Variants in UGGT2 observed in about 807,000 individuals in gnomAD.
UGGT2 encodes UDP-glucose glycoprotein glucosyltransferase 2, also known as UDP-glucose:glycoprotein glucosyltransferase 2.
UGGT2 carries 180 observed loss-of-function variants against 192.1 expected under a neutral mutation model. The ratio of observed to expected loss-of-function variants is 0.94; its 90% CI spans 0.83 to 1.06. UGGT2 has a LOEUF of 1.06. Ranked by LOEUF, UGGT2 falls within the 50% of genes least tolerant of loss-of-function variation. The probability of loss-of-function intolerance (pLI) is 0.00; values close to 1 mark genes in which losing one functional copy is unlikely to be tolerated. For synonymous variants in UGGT2, 580 were observed against 591.0 expected, an observed-to-expected ratio of 0.98 and a Z score of 0.27; for missense variants, 1,849 against 1,795.7, an observed-to-expected ratio of 1.03 and a Z score of -0.54.
intron 38 of UGGT2, among the ~76,000 whole-genome samples, chr13:95,830,425 A>T (rs1367890053): frequency 6.6e-6 from 1 of 152,196 alleles, no homozygotes; most frequent in Non-Finnish European, 1.5e-5. Flanking sequence ...AACTTAAACA[A>T]ATTTACAAGA....
At chr13:95,849,351 A>G (rs1238838144) in intron 36 of UGGT2, among the ~76,000 whole-genome samples, 2 of 152,166 alleles carry the variant, frequency 1.3e-5, no homozygotes, top group Non-Finnish European at 2.9e-5. Context: ...CCTGGCTAAC[A>G]TGGTGAAACC....
chr13:95,863,748 C>G (rs1175548452), intron 30 of UGGT2, 34 bp from the exon 31 acceptor site: 1 of 1,545,858 alleles, frequency 6.5e-7, no homozygotes. Flanking sequence ...TAGAATTTGG[C>G]TGCTTTAAAT....
intron 20 of UGGT2, among the ~76,000 whole-genome samples, chr13:95,912,473 A>T (rs2048534137): frequency 6.6e-6 from 1 of 152,208 alleles, no homozygotes; most frequent in South Asian, 2.1e-4. Context: ...ATCATGAGTG[A>T]ACTCCCATTC....
intron 38 of UGGT2, among the ~76,000 whole-genome samples, chr13:95,815,616 C>T (rs1451364714): frequency 1.3e-5 from 2 of 152,176 alleles, no homozygotes; most frequent in Non-Finnish European, 2.9e-5. Context: ...ATAATCAACA[C>T]ATTAATCTTC....
intron 20 of UGGT2, among the ~76,000 whole-genome samples, chr13:95,914,612 TAAAAAAAAAAAAAAAAA>T (rs146990164): frequency 1.2e-4 from 10 of 80,996 alleles, no homozygotes; most frequent in Admixed American, 5.1e-4. Flanking sequence ...CCATCTCTAC[TAAAAAAAAAAAAAAAAA>T]AAAAAAAAAA....
intron 12 of UGGT2, among the ~76,000 whole-genome samples, chr13:95,961,275 T>C (rs2050383676): frequency 6.6e-6 from 1 of 151,982 alleles, no homozygotes; most frequent in South Asian, 2.1e-4. Context: ...TGAATGTAAA[T>C]GAATTAAACT....
chr13:96,023,774 CAAA>C lies in UGGT2; in HGVS notation c.242-18_242-16del. On this transcript the variant is annotated splice_polypyrimidine_tract_variant and intron_variant, in intron 2 of 38. Transcript: ENST00000376747. The stretch of plus-strand genomic sequence containing the variant: ...ATAATCTGATTCTATAAAAAGAAGT[CAAA>C]AGAAAATAAATGTTAGCATTTTATA... 1 of 1,571,768 alleles carries C rather than the reference CAAA, an allele frequency of 6.4e-7. No homozygotes were observed. Among genetic ancestry groups the C allele is most frequent in the Non-Finnish European group, 8.7e-7 (1 of 1,152,472 alleles).
chr13:95,912,959 A>T (rs2048552264), intron 20 of UGGT2, among the ~76,000 whole-genome samples: 1 of 152,226 alleles, frequency 6.6e-6, no homozygotes, highest in Admixed American at 6.5e-5. Flanking sequence ...CTGATCTTTG[A>T]CAAATCTGAC....
At chr13:95,836,041 CTTTT>C (rs560776600) in intron 37 of UGGT2, among the ~76,000 whole-genome samples, 12 of 151,352 alleles carry the variant, frequency 7.9e-5, no homozygotes, top group Admixed American at 2.0e-4. Flanking sequence ...GCTCTCAGCC[CTTTT>C]TTTTTGTTTG....
At chr13:95,980,564 T>G (rs1223831864) in intron 10 of UGGT2, among the ~76,000 whole-genome samples, 1 of 152,176 alleles carries the variant, frequency 6.6e-6, no homozygotes, top group South Asian at 2.1e-4. Context: ...AACTTATTGA[T>G]GTAACTAAAC....
Position 95,801,707 on chromosome 13 carries a change from C to T in UGGT2, c.*83G>A, listed in dbSNP as rs1884065080. ...ACTGATCTTAACGAGACTTCCAAAT[C>T]GTCTCAGCAGGGGCTCCAGACTTCC... On this transcript the variant is annotated 3_prime_UTR_variant, in exon 39 of 39. Transcript: ENST00000376747. 8 of 1,405,310 alleles carry T rather than the reference C, an allele frequency of 5.7e-6. No homozygotes were observed. The highest frequency in any genetic ancestry group is 4.2e-5 in the Admixed American group (2 of 47,186). The allele number at this position is 1,405,310 out of a possible 1,614,324, so 87.1% of individuals were successfully genotyped here.
Position 95,997,476 on chromosome 13 carries a change from C to G in UGGT2, c.758-1341G>C, listed in dbSNP as rs551594196. On this transcript the variant is annotated intron_variant, in intron 6 of 38. Coordinates refer to ENST00000376747, the MANE Select transcript of UGGT2 (RefSeq NM_020121.4). ...TGGCCAACATGGTGAAACCTCGTCT[C>G]TACTAAAAATACAAAAATTAGCCAG... 2.0e-5 allele frequency among the ~76,000 whole-genome samples: 3 copies of G among 152,096 alleles called. No homozygotes were observed. In the East Asian group the frequency reaches 5.8e-4, roughly 30 times the overall value.
chr13:95,924,339 G>A (rs1200034291), intron 20 of UGGT2, among the ~76,000 whole-genome samples: 1 of 125,740 alleles, frequency 8.0e-6, no homozygotes, highest in Non-Finnish European at 1.6e-5. Context: ...CGCTTGAGAA[G>A]AAACAGCAGG....
chr13:95,832,172 G>T, intron 38 of UGGT2, among the ~76,000 whole-genome samples: 1 of 151,760 alleles, frequency 6.6e-6, no homozygotes. Flanking sequence ...TGAACCACTG[G>T]GAAGAATTAT....
At chr13:95,863,770 T>C in intron 30 of UGGT2, 56 bp from the exon 31 acceptor site, 1 of 1,403,656 alleles carries the variant, frequency 7.1e-7, no homozygotes, top group South Asian at 1.2e-5. Context: ...TTGTGCTGTA[T>C]GGTTAGAAAG....
chr13:95,934,769 A>G (rs1348137932), intron 17 of UGGT2, among the ~76,000 whole-genome samples: 1 of 152,146 alleles, frequency 6.6e-6, no homozygotes, highest in Non-Finnish European at 1.5e-5. Flanking sequence ...TTGACCTTCC[A>G]AAGTGGTGGG....
At chr13:95,951,599 G>A (rs191336062) in intron 12 of UGGT2, among the ~76,000 whole-genome samples, 1 of 152,346 alleles carries the variant, frequency 6.6e-6, no homozygotes, top group East Asian at 1.9e-4. Flanking sequence ...GACAAAATGA[G>A]ACTCTCAACT....
At chr13:95,832,266 AAG>A (rs1302845964) in intron 38 of UGGT2, among the ~76,000 whole-genome samples, 3 of 152,074 alleles carry the variant, frequency 2.0e-5, no homozygotes, top group Non-Finnish European at 4.4e-5. Flanking sequence ...TTTTTTAAGA[AAG>A]AGTGAAGAAT....
At chr13:95,901,894 C>G (rs1048218539) in intron 21 of UGGT2, among the ~76,000 whole-genome samples, 1 of 152,094 alleles carries the variant, frequency 6.6e-6, no homozygotes, top group African/African-American at 2.4e-5. Context: ...ACTTTCAGTC[C>G]ACAGACTCTA....
Sources: allele counts gnomAD v4.1 joint callset (sites outside exome capture counted in the v4.1 genomes callset), GRCh38; gene constraint gnomAD v4.1.1; transcripts MANE v1.5; gene names NCBI Gene and HGNC (gene_info 2026-07-23, HGNC 2026-07-21).